RFPL4A: variants seen among roughly 807,000 people sequenced by gnomAD.
RFPL4A encodes ret finger protein like 4A.
RFPL4A carries 4 observed loss-of-function variants against 8.3 expected under a neutral mutation model. The observed-to-expected ratio is 0.48, with a 90% CI of 0.24 to 1.10. The LOEUF (loss-of-function observed/expected upper bound fraction) is 1.10, where lower values mean the gene tolerates loss of function less well. RFPL4A is among the 50% of genes least tolerant of loss of function. RFPL4A has a pLI of 0.18. For synonymous variants in RFPL4A, 43 were observed against 136.6 expected, an observed-to-expected ratio of 0.31 and a Z score of 4.78; for missense variants, 111 against 358.7, an observed-to-expected ratio of 0.31 and a Z score of 5.58.
Position 55,763,152 on chromosome 19 carries a change from C to T in RFPL4A, c.841C>T (p.Pro281Ser), listed in dbSNP as rs747431754. Residue 281 changes from proline to serine, a missense_variant, in exon 3 of 3, where the codon CCA (proline) becomes TCA (serine). Coordinates refer to ENST00000434937, the MANE Select transcript of RFPL4A (RefSeq NM_001145014.2). ...SVINPSAASA[P>S]VSSEGK is the part of the protein sequence containing the mutation. ...GATCAATCCATCCGCTGCCAGTGCC[C>T]CAGTTTCTTCTGAGGGAAAGTAAAT... The T allele has an allele frequency of 4.1e-5, 63 of 1,536,188 alleles. 2 individuals are homozygous for T. The highest frequency in any genetic ancestry group is 5.2e-5 in the Non-Finnish European group (60 of 1,143,990).
upstream of RFPL4A, among the ~76,000 whole-genome samples, chr19:55,758,513 T>C (rs1320804589): frequency 2.0e-5 from 3 of 151,446 alleles, no homozygotes; most frequent in Non-Finnish European, 2.9e-5. Context: ...GGGAAATAGA[T>C]TGTAACAGTA....
rs370543655 is a variant in RFPL4A, at chr19:55,759,643, A to G, written c.-10+468A>G. Among the ~76,000 whole-genome samples, 257 of 151,798 alleles carry G rather than the reference A, an allele frequency of 1.7e-3. 4 individuals carry two copies. The highest frequency in any genetic ancestry group is 6.0e-3 in the African/African-American group (249 of 41,230). ...TGTTTACATTACTATTGCGGAAAAG[A>G]TCTGGCCAGATGCTGGGACCCACCT... On this transcript the variant is annotated intron_variant, in intron 1 of 2. Transcript: ENST00000434937.
chr19:55,757,841 A>G (rs543601066), upstream of RFPL4A, among the ~76,000 whole-genome samples: 68 of 151,546 alleles, frequency 4.5e-4, no homozygotes, highest in African/African-American at 1.6e-3. Flanking sequence ...GCTTTCCACA[A>G]CTGAGGCCAC....
Position 55,761,857 on chromosome 19 carries a change from A to T in RFPL4A, c.57A>T (p.Glu19Asp). The T allele has an allele frequency of 6.7e-7, 1 of 1,494,512 alleles. No homozygotes were observed. Among genetic ancestry groups the T allele is most frequent in the Non-Finnish European group, 9.1e-7 (1 of 1,103,342 alleles). 92.6% of individuals were successfully genotyped at this position (1,494,512 alleles called of 1,614,324 possible). The change falls in exon 2 of 3, where the codon GAA becomes GAT. Residue 19 changes from glutamate to aspartate, a missense_variant. Glu to Asp is a conservative substitution (Grantham distance 45, BLOSUM62 2). Transcript: ENST00000434937. ...IRCPVCLKDL[E>D]EAVQLKCGYA... is the part of the protein sequence containing the mutation. ...GTCCTGTCTGTCTAAAAGATCTTGA[A>T]GAAGCCGTGCAACTGAAATGTGGAT...
Position 55,761,925 on chromosome 19 carries a change from C to G in RFPL4A, c.125C>G (p.Pro42Arg), listed in dbSNP as rs1019444913. 1.2e-5 allele frequency: 18 copies of G among 1,511,546 alleles called. 1 individual carries two copies. Among genetic ancestry groups the G allele is most frequent in the Non-Finnish European group, 1.5e-5 (17 of 1,116,656 alleles). 93.6% of individuals were successfully genotyped at this position (1,511,546 alleles called of 1,614,324 possible). ...TGCCTCAATTCACTCCAGAAGGAGC[C>G]CGATGGGGAAGGTTTACTGTGCCGT... ...LQCLNSLQKE[P>R]DGEGLLCRFC... is the part of the protein sequence containing the mutation. Residue 42 changes from proline (P) to arginine (R), a missense_variant, in exon 2 of 3, where the codon CCC becomes CGC. Coordinates refer to ENST00000434937, the MANE Select transcript of RFPL4A (RefSeq NM_001145014.2).
Position 55,761,881 on chromosome 19 carries a change from A to G in RFPL4A, c.81A>G (p.Gly27=), listed in dbSNP as rs1489442723. 1.5e-5 allele frequency: 23 copies of G among 1,500,618 alleles called. No homozygotes were observed. Among genetic ancestry groups the G allele is most frequent in the Middle Eastern group, 1.7e-4 (1 of 5,846 alleles). The allele number at this position is 1,500,618 out of a possible 1,614,324, so 93.0% of individuals were successfully genotyped here. The change falls in exon 2 of 3, where the codon GGA becomes GGG. Residue 27 remains glycine (G), a synonymous_variant. Transcript: ENST00000434937. ...AAGAAGCCGTGCAACTGAAATGTGG[A>G]TATGCCTGCTGCCTCCAGTGCCTCA... ...DLEEAVQLKC[G]YACCLQCLNS... is the part of the protein sequence containing the mutation.
Position 55,759,482 on chromosome 19 carries a change from T to G in RFPL4A, c.-10+307T>G, listed in dbSNP as rs377730804. ...ACGTCAGGTTTTCCTATGGGTTTGGTATTGTTTTCCTATTCTCCCCTTCCC... is the reference window on the plus strand; with the variant it reads ...ACGTCAGGTTTTCCTATGGGTTTGGGATTGTTTTCCTATTCTCCCCTTCCC... On this transcript the variant is annotated intron_variant, in intron 1 of 2. Coordinates refer to ENST00000434937, the MANE Select transcript of RFPL4A (RefSeq NM_001145014.2). Among the ~76,000 whole-genome samples the G allele has an allele frequency of 1.2e-3, 188 of 151,850 alleles. No individual in the cohort carries two copies. The East Asian group carries it at 0.017, about 13-fold the overall frequency.
intron 1 of RFPL4A, among the ~76,000 whole-genome samples, chr19:55,760,845 A>T (rs944932199): frequency 6.6e-6 from 1 of 151,468 alleles, no homozygotes; most frequent in Admixed American, 6.6e-5. Flanking sequence ...TTCCTGCCTC[A>T]GTTTAAATTG....
rs534306453 is a variant in RFPL4A at position 55,759,547 on chromosome 19, T to C, written c.-10+372T>C. Among the ~76,000 whole-genome samples, 12 of 130,054 alleles carry C rather than the reference T, an allele frequency of 9.2e-5. 1 individual carries two copies. In the South Asian group the frequency reaches 2.9e-3, roughly 32 times the overall value. The allele number at this position is 130,054 out of a possible 152,430, so 85.3% of individuals were successfully genotyped here. A position where few individuals can be genotyped will look rare whatever the true frequency, so the allele number is the denominator to read the frequency against. On this transcript the variant is annotated intron_variant, in intron 1 of 2. Transcript: ENST00000434937. ...CCATCATTCTTCTCTTATTTTCTGA[T>C]TTTTTTTTTGTTCAGTTTTTTGTTC...
In RFPL4A at chr19:55,762,787, C is replaced by T. The variant is rs766115116; in HGVS notation, c.476C>T (p.Thr159Ile). The T allele has an allele frequency of 7.8e-6, 12 of 1,542,684 alleles. No homozygotes were observed. In the South Asian group the frequency reaches 1.4e-4, roughly 18 times the overall value. The change falls in exon 3 of 3, where the codon ACC becomes ATC. Residue 159 changes from threonine to isoleucine, a missense_variant. Thr to Ile is a moderately conservative substitution (Grantham distance 89). Transcript: ENST00000434937. Reference sequence around the variant, plus strand: ...CATTACTGGGAGGTGGACGTGGGCACCAGCCAAGTGTGGGATGTGGGCGTG... The same window carrying T: ...CATTACTGGGAGGTGGACGTGGGCATCAGCCAAGTGTGGGATGTGGGCGTG... ...GRHYWEVDVG[T>I]SQVWDVGVCK...
upstream of RFPL4A, among the ~76,000 whole-genome samples, chr19:55,758,348 T>C (rs1989214089): frequency 6.6e-6 from 1 of 152,300 alleles, no homozygotes; most frequent in Admixed American, 6.5e-5. Flanking sequence ...CACATTAATG[T>C]AATCAAATCC....
upstream of RFPL4A, among the ~76,000 whole-genome samples, chr19:55,758,180 T>A (rs1291741087): frequency 2.6e-5 from 4 of 152,252 alleles, no homozygotes; most frequent in Non-Finnish European, 4.4e-5. Flanking sequence ...TCATCTAATA[T>A]ATGCACCACA....
chr19:55,759,448 C>T (rs1479227934), intron 1 of RFPL4A, among the ~76,000 whole-genome samples: 3 of 151,660 alleles, frequency 2.0e-5, no homozygotes, highest in African/African-American at 2.4e-5. Context: ...TCGGTGGCTG[C>T]GTTACTCAAC....
chr19:55,757,619 A>G (rs1024921145), upstream of RFPL4A, among the ~76,000 whole-genome samples: 4 of 152,068 alleles, frequency 2.6e-5, no homozygotes, highest in African/African-American at 9.7e-5. Flanking sequence ...AAGCCAGCGG[A>G]GCTGCTTTCT....
chr19:55,761,626 G>A (rs1381431308), intron 1 of RFPL4A, among the ~76,000 whole-genome samples, 166 bp from the exon 2 acceptor site: 1 of 148,656 alleles, frequency 6.7e-6, no homozygotes, highest in African/African-American at 2.6e-5. Flanking sequence ...TCAGGGCCTC[G>A]AGTCATTGAC....
chr19:55,758,182 T>C (rs1457282992), upstream of RFPL4A, among the ~76,000 whole-genome samples: 1 of 152,254 alleles, frequency 6.6e-6, no homozygotes, highest in African/African-American at 2.4e-5. Context: ...ATCTAATATA[T>C]GCACCACAAC....
At position 55,761,438 on chromosome 19, in the gene RFPL4A, G is replaced by A. The variant is rs1023682873; in HGVS notation, c.-9-354G>A. 5.8e-5 allele frequency among the ~76,000 whole-genome samples: 8 copies of A among 137,954 alleles called. 1 individual carries two copies. Among genetic ancestry groups the A allele is most frequent in the African/African-American group, 1.9e-4 (7 of 37,082 alleles). 90.5% of individuals were successfully genotyped at this position (137,954 alleles called of 152,430 possible). On this transcript the variant is annotated intron_variant, in intron 1 of 2. Coordinates refer to ENST00000434937, the MANE Select transcript of RFPL4A (RefSeq NM_001145014.2). ...CCATTATGTCTTCAAAAATAAGAGC[G>A]TATTTGGCTCACAGCACATCTCCAT...
chr19:55,761,100 T>TC (rs1360546818), intron 1 of RFPL4A, among the ~76,000 whole-genome samples: 1 of 138,148 alleles, frequency 7.2e-6, no homozygotes, highest in East Asian at 2.0e-4. Flanking sequence ...TTTTTTTTTT[T>TC]CCGCTATGCA....
chr19:55,762,336 C>T (rs1989302661), intron 2 of RFPL4A, among the ~76,000 whole-genome samples: 1 of 150,676 alleles, frequency 6.6e-6, no homozygotes, highest in Non-Finnish European at 1.5e-5. Flanking sequence ...AGCTAATTTT[C>T]ATCAAATTAT....
Sources: allele counts gnomAD v4.1 joint callset (sites outside exome capture counted in the v4.1 genomes callset), GRCh38; gene constraint gnomAD v4.1.1; transcripts MANE v1.5; gene names NCBI Gene and HGNC (gene_info 2026-07-23, HGNC 2026-07-21).